KIAA1549L: variants seen among roughly 807,000 people sequenced by gnomAD.
The protein encoded by KIAA1549L is UPF0606 protein KIAA1549L.
Under a neutral mutation model 160.7 loss-of-function variants are expected in KIAA1549L, and 88 were observed. That is an observed-to-expected ratio of 0.55 (90% CI 0.46 to 0.65). KIAA1549L has a LOEUF of 0.65. Among genes scored for constraint, KIAA1549L ranks in the 30% least tolerant of loss-of-function variants. The pLI is 0.00. For missense variants in KIAA1549L, 2,258 were observed against 2,437.5 expected, an observed-to-expected ratio of 0.93 and a Z score of 1.55; for synonymous variants, 950 against 976.7, an observed-to-expected ratio of 0.97 and a Z score of 0.51.
intron 1 of KIAA1549L, among the ~76,000 whole-genome samples, chr11:33,490,854 G>A (rs953955004): frequency 1.3e-5 from 2 of 152,202 alleles, no homozygotes; most frequent in African/African-American, 2.4e-5. Flanking sequence ...TAGGTCTGAG[G>A]TGGGGCCTGA....
At chr11:33,479,864 G>T (rs1432743042) in intron 1 of KIAA1549L, among the ~76,000 whole-genome samples, 1 of 152,200 alleles carries the variant, frequency 6.6e-6, no homozygotes, top group Non-Finnish European at 1.5e-5. Flanking sequence ...GGTAGCAGAA[G>T]AGAGGCTCAG....
At chr11:33,626,936 T>TA (rs1190713264) in intron 16 of KIAA1549L, among the ~76,000 whole-genome samples, 1 of 78,122 alleles carries the variant, frequency 1.3e-5, no homozygotes, top group Non-Finnish European at 2.5e-5. Context: ...GTCCCATCAA[T>TA]ACCTAATTTA....
chr11:33,472,702 A>C (rs1852205552), intron 1 of KIAA1549L, among the ~76,000 whole-genome samples: 1 of 152,210 alleles, frequency 6.6e-6, no homozygotes, highest in Non-Finnish European at 1.5e-5. Context: ...TGCTGACTGC[A>C]TGTCAAAAAT....
In KIAA1549L at chr11:33,543,214, C is replaced by T; in HGVS notation, c.1651C>T (p.Leu551Phe). ...LLLSSKVPNL[L>F]STSWTFPRWK... ...CCTCTCAAGCAAAGTTCCTAATCTT[C>T]TTTCCACATCTTGGACATTTCCCCG... The change falls in exon 2 of 21, where the codon CTT becomes TTT. Residue 551 changes from leucine (L) to phenylalanine (F), a missense_variant. This residue lies in a region of KIAA1549L where 540 missense variants were observed against 465.7 expected (regional missense o/e 1.16). Coordinates refer to ENST00000658780, the MANE Select transcript of KIAA1549L (RefSeq NM_012194.3). 2 of 1,614,046 alleles carry T rather than the reference C, an allele frequency of 1.2e-6. No homozygotes were observed.
chr11:33,493,935 A>AGACT (rs1852756169), intron 1 of KIAA1549L, among the ~76,000 whole-genome samples: 1 of 152,234 alleles, frequency 6.6e-6, no homozygotes, highest in Non-Finnish European at 1.5e-5. Context: ...GTCCTATCCC[A>AGACT]GGGCAATTAA....
intron 1 of KIAA1549L, among the ~76,000 whole-genome samples, chr11:33,380,613 A>G (rs959937835): frequency 2.6e-5 from 4 of 152,016 alleles, no homozygotes; most frequent in Non-Finnish European, 4.4e-5. Flanking sequence ...TGATGATCTA[A>G]TATCGTCAGT....
intron 1 of KIAA1549L, among the ~76,000 whole-genome samples, chr11:33,409,128 T>G (rs1320680150): frequency 2.0e-5 from 3 of 151,990 alleles, no homozygotes; most frequent in Non-Finnish European, 4.4e-5. Flanking sequence ...GTGCATTTGT[T>G]TTTTTTCTTT....
intron 1 of KIAA1549L, among the ~76,000 whole-genome samples, chr11:33,446,240 G>A (rs533421680): frequency 3.9e-5 from 6 of 152,060 alleles, no homozygotes; most frequent in Admixed American, 2.0e-4. Context: ...GATTACAGGC[G>A]TGTGCTACTG....
In KIAA1549L at chr11:33,656,081, G is replaced by A. The variant is rs1852054560; in HGVS notation, c.5830G>A (p.Gly1944Ser). ...SPPPPVPPRT[G>S]PVAVASLRRS... ...GCCTCCACCCGTACCTCCCCGGACT[G>A]GTCCTGTGGCTGTCGCTTCTCTCAG... The change falls in exon 18 of 21, where the codon GGT becomes AGT. Residue 1944 changes from glycine to serine, a missense_variant. Physicochemically the swap from Gly to Ser is moderately conservative, Grantham distance 56 (BLOSUM62 0). Around this residue, in one of 6 missense-constraint regions of KIAA1549L, gnomAD observed 1,359 missense variants for 1,546.6 expected, o/e 0.88. Coordinates refer to ENST00000658780, the MANE Select transcript of KIAA1549L (RefSeq NM_012194.3). 4 of 1,613,682 alleles carry A rather than the reference G, an allele frequency of 2.5e-6. No homozygotes were observed. Among genetic ancestry groups the A allele is most frequent in the Non-Finnish European group, 2.5e-6 (3 of 1,179,776 alleles).
At chr11:33,413,509 T>C (rs760218660) in intron 1 of KIAA1549L, among the ~76,000 whole-genome samples, 2 of 151,852 alleles carry the variant, frequency 1.3e-5, no homozygotes, top group Non-Finnish European at 2.9e-5. Flanking sequence ...TGGTTTTTGT[T>C]GGGTTTAGAG....
intron 17 of KIAA1549L, among the ~76,000 whole-genome samples, chr11:33,654,251 C>T (rs1277635379): frequency 6.6e-6 from 1 of 152,188 alleles, no homozygotes; most frequent in African/African-American, 2.4e-5. Context: ...GGATTACAGG[C>T]GTGAGCCACC....
intron 16 of KIAA1549L, among the ~76,000 whole-genome samples, chr11:33,635,597 C>T (rs886643616): frequency 2.0e-5 from 3 of 152,174 alleles, no homozygotes; most frequent in African/African-American, 7.2e-5. Flanking sequence ...CTGTTCACTT[C>T]GGGGCGCCTA....
chr11:33,469,322 A>C (rs558342596), intron 1 of KIAA1549L, among the ~76,000 whole-genome samples: 1 of 151,964 alleles, frequency 6.6e-6, no homozygotes, highest in African/African-American at 2.4e-5. Context: ...ACATGGCATG[A>C]TGTTTTCCAG....
chr11:33,574,205 G>T, intron 9 of KIAA1549L, among the ~76,000 whole-genome samples: 1 of 111,140 alleles, frequency 9.0e-6, no homozygotes, highest in East Asian at 2.4e-4. Context: ...TAACTTTTAG[G>T]TAAAAAAAAA....
At chr11:33,574,919 G>A (rs1457938955) in intron 10 of KIAA1549L, 46 bp downstream of exon 10, 3 of 1,522,886 alleles carry the variant, frequency 2.0e-6, no homozygotes, top group Non-Finnish European at 1.8e-6. Flanking sequence ...GCCATTAAAT[G>A]TTTCCTGAAA....
intron 1 of KIAA1549L, among the ~76,000 whole-genome samples, chr11:33,506,740 A>G (rs983585773): frequency 1.8e-4 from 28 of 152,132 alleles, no homozygotes; most frequent in Admixed American, 1.4e-3. Flanking sequence ...TTGAACAACA[A>G]CAACAAAAAA....
intron 10 of KIAA1549L, among the ~76,000 whole-genome samples, chr11:33,578,479 G>A (rs1855528199): frequency 6.6e-6 from 1 of 152,144 alleles, no homozygotes; most frequent in Non-Finnish European, 1.5e-5. Context: ...CATGGCAGTA[G>A]CTTCCAAAGT....
intron 6 of KIAA1549L, among the ~76,000 whole-genome samples, chr11:33,555,941 G>T (rs1158619758): frequency 6.6e-6 from 1 of 151,990 alleles, no homozygotes. Flanking sequence ...AATATATAGA[G>T]AATATACCTA....
intron 4 of KIAA1549L, among the ~76,000 whole-genome samples, chr11:33,550,289 C>T (rs1221970214): frequency 2.0e-5 from 3 of 150,632 alleles, no homozygotes; most frequent in Admixed American, 6.6e-5. Flanking sequence ...CTCTGTTTTT[C>T]AAATATACAG....
Sources: allele counts gnomAD v4.1 joint callset (sites outside exome capture counted in the v4.1 genomes callset), GRCh38; gene constraint gnomAD v4.1.1; regional missense constraint gnomAD v4.1.1; transcripts MANE v1.5; gene names NCBI Gene and HGNC (gene_info 2026-07-23, HGNC 2026-07-21).